ROBO2: variants seen among roughly 807,000 people sequenced by gnomAD.
ROBO2 encodes the protein roundabout guidance receptor 2.
In ROBO2, 53 loss-of-function variants were observed where a neutral mutation model predicts 160.8. That is an observed-to-expected ratio of 0.33 (90% CI 0.26 to 0.41). The LOEUF (loss-of-function observed/expected upper bound fraction) is 0.41, where lower values mean the gene tolerates loss of function less well. ROBO2 is among the 10% of genes least tolerant of loss of function. ROBO2 has a pLI of 1.00. For synonymous variants in ROBO2, 664 were observed against 611.7 expected (o/e 1.09, Z -1.26); for missense variants, 1,577 against 1,722.4 (o/e 0.92, Z 1.49).
intron 2 of ROBO2, among the ~76,000 whole-genome samples, chr3:76,072,001 C>T (rs1443433340): frequency 6.6e-6 from 1 of 152,068 alleles, no homozygotes; most frequent in East Asian, 1.9e-4. Flanking sequence ...AGTATATATT[C>T]TCAAATCCAT....
At chr3:76,636,959 G>T (rs1164470042) in intron 2 of ROBO2, among the ~76,000 whole-genome samples, 1 of 151,750 alleles carries the variant, frequency 6.6e-6, no homozygotes, top group Non-Finnish European at 1.5e-5. Flanking sequence ...GCCAACAATG[G>T]GGAAAACTGT....
At chr3:76,155,442 A>T (rs1042636169) in intron 2 of ROBO2, among the ~76,000 whole-genome samples, 12 of 152,208 alleles carry the variant, frequency 7.9e-5, no homozygotes, top group African/African-American at 2.2e-4. Context: ...CAGACTTAAA[A>T]GATAGAACAA....
At chr3:76,925,219 A>AT (rs1337859952) in intron 2 of ROBO2, among the ~76,000 whole-genome samples, 1 of 113,052 alleles carries the variant, frequency 8.8e-6, no homozygotes, top group African/African-American at 4.6e-5. Context: ...TCAAAAAAAA[A>AT]AAAAAAAAAA....
chr3:77,316,191 T>C (rs370481622), intron 2 of ROBO2, among the ~76,000 whole-genome samples: 24 of 152,224 alleles, frequency 1.6e-4, no homozygotes, highest in African/African-American at 4.6e-4. Flanking sequence ...TCCTGAATTA[T>C]TGGCTTCATC....
chr3:76,831,243 A>G (rs1165526891), intron 2 of ROBO2, among the ~76,000 whole-genome samples: 1 of 152,182 alleles, frequency 6.6e-6, no homozygotes, highest in Non-Finnish European at 1.5e-5. Flanking sequence ...TTTTTTAATC[A>G]TAAGCTTTCT....
intron 2 of ROBO2, among the ~76,000 whole-genome samples, chr3:77,459,348 A>G (rs1420253148): frequency 1.3e-5 from 2 of 152,222 alleles, no homozygotes; most frequent in Admixed American, 1.3e-4. Context: ...CTAAAGTTGC[A>G]TATGTAATAA....
chr3:77,558,193 A>G, intron 9 of ROBO2, 44 bp downstream of exon 10: 1 of 1,507,516 alleles, frequency 6.6e-7, no homozygotes, highest in Non-Finnish European at 9.2e-7. Flanking sequence ...TCTACACATA[A>G]GTACTGCTCT....
At chr3:76,011,312 C>T (rs576372713) in intron 2 of ROBO2, among the ~76,000 whole-genome samples, 6 of 152,104 alleles carry the variant, frequency 3.9e-5, no homozygotes, top group African/African-American at 7.2e-5. Context: ...GCTGCCAGCC[C>T]GTGATTCAGG....
intron 1 of ROBO2, among the ~76,000 whole-genome samples, chr3:77,085,434 GT>G (rs1385435616): frequency 6.6e-6 from 1 of 151,988 alleles, no homozygotes; most frequent in Non-Finnish European, 1.5e-5. Flanking sequence ...TATCTAAGGT[GT>G]TTTTGGTGGA....
intron 2 of ROBO2, among the ~76,000 whole-genome samples, chr3:76,187,845 G>A (rs1701835324): frequency 1.3e-5 from 2 of 151,970 alleles, no homozygotes; most frequent in Admixed American, 1.3e-4. Flanking sequence ...CGCTGAATTG[G>A]GTCACATAAT....
intron 2 of ROBO2, among the ~76,000 whole-genome samples, chr3:76,746,469 A>G (rs1325614689): frequency 2.6e-5 from 4 of 151,834 alleles, no homozygotes; most frequent in Non-Finnish European, 4.4e-5. Flanking sequence ...AAGTGTTCCT[A>G]TTTCTCCACA....
At chr3:76,066,183 A>G (rs1196941309) in intron 2 of ROBO2, among the ~76,000 whole-genome samples, 1 of 152,144 alleles carries the variant, frequency 6.6e-6, no homozygotes, top group African/African-American at 2.4e-5. Flanking sequence ...GATGAATCAT[A>G]TTATATTTAT....
intron 6 of ROBO2, among the ~76,000 whole-genome samples, chr3:77,540,417 G>A (rs1354059255): frequency 7.9e-5 from 12 of 152,070 alleles, no homozygotes; most frequent in Admixed American, 4.6e-4. Flanking sequence ...TTCCTACTGT[G>A]GCATTCGAAT....
intron 2 of ROBO2, among the ~76,000 whole-genome samples, chr3:76,910,808 A>G (rs972337403): frequency 2.0e-5 from 3 of 151,484 alleles, no homozygotes; most frequent in South Asian, 4.2e-4. Context: ...GTGAATATAT[A>G]TGAGGAAGCA....
At chr3:76,576,781 A>G (rs1184708014) in intron 2 of ROBO2, among the ~76,000 whole-genome samples, 3 of 5,336 alleles carry the variant, frequency 5.6e-4, no homozygotes, top group African/African-American at 6.1e-4. Context: ...TCCGTCTCAC[A>G]AAAAAAAAAA....
intron 2 of ROBO2, among the ~76,000 whole-genome samples, chr3:76,047,296 T>C (rs1410399583): frequency 1.3e-5 from 2 of 152,134 alleles, no homozygotes; most frequent in African/African-American, 2.4e-5. Flanking sequence ...TATAGCTAAA[T>C]AGGGAGAGAG....
At chr3:76,324,141 A>G (rs183111786) in intron 2 of ROBO2, among the ~76,000 whole-genome samples, 3 of 152,260 alleles carry the variant, frequency 2.0e-5, no homozygotes, top group Admixed American at 1.3e-4. Context: ...TCCTCTCCTT[A>G]TCATAACACT....
intron 2 of ROBO2, among the ~76,000 whole-genome samples, chr3:75,957,592 T>G (rs1948766636): frequency 6.6e-6 from 1 of 151,586 alleles, no homozygotes; most frequent in South Asian, 2.1e-4. Flanking sequence ...AAGTTACTTA[T>G]GCTTAAAAAG....
At chr3:77,160,904 G>T (rs1039264464) in intron 2 of ROBO2, among the ~76,000 whole-genome samples, 2 of 152,176 alleles carry the variant, frequency 1.3e-5, no homozygotes, top group Non-Finnish European at 2.9e-5. Flanking sequence ...TGCATTGTGA[G>T]TTTGTTCTCC....
Sources: allele counts gnomAD v4.1 joint callset (sites outside exome capture counted in the v4.1 genomes callset), GRCh38; gene constraint gnomAD v4.1.1; transcripts MANE v1.5; gene names NCBI Gene and HGNC (gene_info 2026-07-23, HGNC 2026-07-21).